Variants in RARB observed in about 807,000 individuals in gnomAD.
RARB encodes retinoic acid receptor beta.
A neutral mutation model predicts 51.9 loss-of-function variants in RARB; 17 were observed. The observed-to-expected ratio is 0.33, with a 90% CI of 0.22 to 0.49. The LOEUF (loss-of-function observed/expected upper bound fraction) is 0.49, where lower values mean the gene tolerates loss of function less well. Ranked by LOEUF, RARB falls within the 20% of genes least tolerant of loss-of-function variation. The probability of loss-of-function intolerance (pLI) is 0.99; values close to 1 mark genes in which losing one functional copy is unlikely to be tolerated. For synonymous variants in RARB, 215 were observed against 195.4 expected (o/e 1.10, Z -0.84); for missense variants, 369 against 550.8 (o/e 0.67, Z 3.30).
At chr3:25,536,592 AAAAC>A (rs1311327061) in intron 3 of RARB, among the ~76,000 whole-genome samples, 15 of 152,368 alleles carry the variant, frequency 9.8e-5, no homozygotes, top group South Asian at 2.1e-4. Flanking sequence ...GTGGTTTCAA[AAAAC>A]AAACAAACAA....
intron 5 of RARB, among the ~76,000 whole-genome samples, chr3:25,585,872 T>C (rs73050081): frequency 0.018 from 2,802 of 152,310 alleles, 32 homozygotes; most frequent in Middle Eastern, 0.054. Context: ...GAGCCAGATG[T>C]TGAACCCAGG....
intron 4 of RARB, among the ~76,000 whole-genome samples, chr3:25,152,314 A>G (rs1001294656): frequency 1.3e-5 from 2 of 152,162 alleles, no homozygotes; most frequent in African/African-American, 4.8e-5. Context: ...ACCCTTTTCC[A>G]CTGCAAACCT....
At chr3:25,172,466 ATGG>A (rs1376992644) in intron 4 of RARB, among the ~76,000 whole-genome samples, 1 of 152,208 alleles carries the variant, frequency 6.6e-6, no homozygotes, top group Non-Finnish European at 1.5e-5. Context: ...TGCCTCACAT[ATGG>A]TAAATAGTCA....
intron 3 of RARB, among the ~76,000 whole-genome samples, chr3:25,096,749 G>A (rs568842826): frequency 4.7e-4 from 72 of 152,194 alleles, no homozygotes; most frequent in Non-Finnish European, 4.4e-5. Context: ...TCTGGGGGTG[G>A]ACCCTGCATA....
intron 3 of RARB, among the ~76,000 whole-genome samples, chr3:25,130,633 C>G (rs1194545280): frequency 6.6e-6 from 1 of 151,732 alleles, no homozygotes; most frequent in Non-Finnish European, 1.5e-5. Flanking sequence ...AGAGAGGGAC[C>G]TGGGTGTGGG....
chr3:25,231,384 G>T (rs1702172675), intron 5 of RARB, among the ~76,000 whole-genome samples: 1 of 152,142 alleles, frequency 6.6e-6, no homozygotes, highest in South Asian at 2.1e-4. Context: ...CAAGGTACCT[G>T]TGATTACTGG....
At chr3:24,857,231 C>A (rs1398388410) in intron 1 of RARB, among the ~76,000 whole-genome samples, 1 of 152,194 alleles carries the variant, frequency 6.6e-6, no homozygotes, top group Non-Finnish European at 1.5e-5. Flanking sequence ...ATACTTCACA[C>A]CTCTCATTCC....
chr3:25,562,200 G>T (rs1700297784), intron 3 of RARB, among the ~76,000 whole-genome samples: 1 of 151,818 alleles, frequency 6.6e-6, no homozygotes, highest in Non-Finnish European at 1.5e-5. Flanking sequence ...AGAATTTCCT[G>T]CCTATGAAAA....
chr3:24,952,268 T>G (rs1320375559), intron 2 of RARB, among the ~76,000 whole-genome samples: 2 of 151,830 alleles, frequency 1.3e-5, no homozygotes, highest in Non-Finnish European at 2.9e-5. Flanking sequence ...TGAATTAAAT[T>G]TACACAATTA....
intron 2 of RARB, among the ~76,000 whole-genome samples, chr3:25,498,622 GTCT>G (rs976784017): frequency 7.9e-5 from 12 of 152,124 alleles, no homozygotes; most frequent in Admixed American, 5.2e-4. Flanking sequence ...TAATTCTCTG[GTCT>G]TCTTTCATTT....
chr3:25,119,684 A>AAAC (rs1699748449), intron 3 of RARB, among the ~76,000 whole-genome samples: 1 of 152,002 alleles, frequency 6.6e-6, no homozygotes, highest in African/African-American at 2.4e-5. Context: ...AACAAAAAAA[A>AAAC]CACTGCTCTT....
At chr3:24,973,581 C>A (rs909810737) in intron 2 of RARB, among the ~76,000 whole-genome samples, 2 of 151,984 alleles carry the variant, frequency 1.3e-5, no homozygotes, top group African/African-American at 4.8e-5. Context: ...ATATTTTAAT[C>A]TATGAGCATG....
At chr3:24,839,280 C>T (rs1329681442) in intron 1 of RARB, among the ~76,000 whole-genome samples, 2 of 151,996 alleles carry the variant, frequency 1.3e-5, no homozygotes, top group African/African-American at 4.8e-5. Context: ...CAGTGCTGTT[C>T]TTGAGTGTTT....
chr3:25,569,325 G>A (rs1183434718), intron 3 of RARB, among the ~76,000 whole-genome samples: 1 of 152,204 alleles, frequency 6.6e-6, no homozygotes, highest in African/African-American at 2.4e-5. Context: ...ACACCAAAAT[G>A]TGTAGCTAGG....
At chr3:25,045,397 G>A (rs900295266) in intron 2 of RARB, among the ~76,000 whole-genome samples, 1 of 152,160 alleles carries the variant, frequency 6.6e-6, no homozygotes, top group Non-Finnish European at 1.5e-5. Flanking sequence ...GAGAGAAAGC[G>A]AGGTAACTCT....
intron 3 of RARB, among the ~76,000 whole-genome samples, chr3:25,122,677 C>T (rs949316705): frequency 1.3e-5 from 2 of 152,232 alleles, no homozygotes; most frequent in East Asian, 3.9e-4. Flanking sequence ...GTTAAATGGT[C>T]TTAAGTCACG....
chr3:25,433,569 C>T (rs1708294786), intron 1 of RARB, among the ~76,000 whole-genome samples: 1 of 152,186 alleles, frequency 6.6e-6, no homozygotes, highest in Non-Finnish European at 1.5e-5. Flanking sequence ...AAATCTGTAT[C>T]AGCCCTTGCC....
chr3:25,077,665 A>T (rs1254459652), intron 3 of RARB, among the ~76,000 whole-genome samples: 1 of 152,122 alleles, frequency 6.6e-6, no homozygotes, highest in Non-Finnish European at 1.5e-5. Flanking sequence ...AATTTTGTAG[A>T]TACATACTTT....
intron 5 of RARB, among the ~76,000 whole-genome samples, chr3:25,242,316 C>G (rs186564390): frequency 3.9e-5 from 6 of 152,238 alleles, no homozygotes; most frequent in Admixed American, 3.9e-4. Flanking sequence ...TTAATTAGAT[C>G]CCATTTGGAA....
Sources: allele counts gnomAD v4.1 joint callset (sites outside exome capture counted in the v4.1 genomes callset), GRCh38; gene constraint gnomAD v4.1.1; transcripts MANE v1.5; gene names NCBI Gene and HGNC (gene_info 2026-07-23, HGNC 2026-07-21).